DMD: variants seen among roughly 807,000 people sequenced by gnomAD.
The protein encoded by DMD is mutant dystrophin.
DMD carries 63 observed loss-of-function variants against 330.1 expected under a neutral mutation model. The ratio of observed to expected loss-of-function variants is 0.19; its 90% CI spans 0.16 to 0.24. DMD has a LOEUF of 0.24. Ranked by LOEUF, DMD falls within the 10% of genes least tolerant of loss-of-function variation. The pLI is 1.00. For synonymous variants in DMD, 1,223 were observed against 959.8 expected (o/e 1.27, Z -5.07); for missense variants, 3,344 against 2,684.1 (o/e 1.25, Z -5.43).
chrX:33,232,094 G>A lies in DMD; in HGVS notation c.7+107165C>T, dbSNP rs751290020. On this transcript the variant is annotated intron_variant, in intron 1 of 17. Coordinates refer to the DMD transcript ENST00000288447. ...TCCACCAACCTAAAATGCTGTATTG[G>A]TGAAATTATCCTTCAAAAGTAAAAG... Among the ~76,000 whole-genome samples, 17 of 111,991 alleles carry A rather than the reference G, an allele frequency of 1.5e-4. No homozygotes were observed. The South Asian group carries it at 6.3e-3, about 41-fold the overall frequency.
intron 55 of DMD, among the ~76,000 whole-genome samples, chrX:31,618,974 T>C (rs920523605): frequency 9.0e-6 from 1 of 111,507 alleles, no homozygotes; most frequent in African/African-American, 3.3e-5. Flanking sequence ...GTTACCTTAG[T>C]AGAAGTTACC....
chrX:33,291,362 C>T (rs950658158), intron 1 of DMD, among the ~76,000 whole-genome samples: 1 of 110,913 alleles, frequency 9.0e-6, no homozygotes, highest in African/African-American at 3.3e-5. Context: ...AGGATGCCCT[C>T]GCTCACCACT....
intron 55 of DMD, among the ~76,000 whole-genome samples, chrX:31,525,284 C>T (rs1173356925): frequency 9.0e-6 from 1 of 111,693 alleles, no homozygotes; most frequent in Non-Finnish European, 1.9e-5. Flanking sequence ...GCCATATGTT[C>T]GATCACCTTT....
chrX:31,448,278 A>G (rs979565632), intron 59 of DMD, among the ~76,000 whole-genome samples: 1 of 111,181 alleles, frequency 9.0e-6, no homozygotes, highest in African/African-American at 3.3e-5. Context: ...GGAAAGATAA[A>G]AAGGAAAAGG....
intron 53 of DMD, among the ~76,000 whole-genome samples, chrX:31,662,783 C>T (rs184481846): frequency 8.9e-6 from 1 of 111,847 alleles, no homozygotes; most frequent in Admixed American, 9.5e-5. Context: ...CTGACCATGC[C>T]TCCGGCTTGT....
chrX:31,263,474 T>A (rs1035409884), intron 62 of DMD, among the ~76,000 whole-genome samples: 1 of 112,147 alleles, frequency 8.9e-6, no homozygotes, highest in Non-Finnish European at 1.9e-5. Flanking sequence ...TTATTTTTTT[T>A]TAATCCATCA....
intron 67 of DMD, among the ~76,000 whole-genome samples, chrX:31,202,371 A>G (rs2043576483): frequency 8.9e-6 from 1 of 112,191 alleles, no homozygotes; most frequent in South Asian, 3.7e-4. Context: ...TTGATCATCT[A>G]TCTGCATTTT....
chrX:33,300,777 A>G (rs763401680), intron 1 of DMD, among the ~76,000 whole-genome samples: 98 of 111,388 alleles, frequency 8.8e-4, no homozygotes, highest in Non-Finnish European at 1.7e-3. Flanking sequence ...TTTTTGTTAC[A>G]CCAGTCTAAA....
At chrX:33,148,615 A>G (rs897295158) in intron 1 of DMD, among the ~76,000 whole-genome samples, 1 of 112,164 alleles carries the variant, frequency 8.9e-6, no homozygotes, top group Non-Finnish European at 1.9e-5. Flanking sequence ...TATATATTAA[A>G]TGTTCATGAT....
intron 60 of DMD, among the ~76,000 whole-genome samples, chrX:31,400,095 G>T (rs2061122295): frequency 9.0e-6 from 1 of 111,516 alleles, no homozygotes; most frequent in East Asian, 2.8e-4. Context: ...ATCAGTTCTG[G>T]ATAGCTTATA....
At chrX:33,239,860 A>T (rs1335508932) in intron 1 of DMD, among the ~76,000 whole-genome samples, 1 of 111,671 alleles carries the variant, frequency 9.0e-6, no homozygotes, top group Non-Finnish European at 1.9e-5. Context: ...GAGCACTGAA[A>T]TGATGTCATA....
chrX:32,130,476 T>C (rs1167690743), intron 44 of DMD, among the ~76,000 whole-genome samples: 1 of 111,427 alleles, frequency 9.0e-6, no homozygotes, highest in East Asian at 2.8e-4. Flanking sequence ...TAACTATAGA[T>C]CATATCACAT....
chrX:32,497,951 T>C (rs933723261), intron 19 of DMD, among the ~76,000 whole-genome samples: 15 of 111,901 alleles, frequency 1.3e-4, no homozygotes, highest in African/African-American at 4.9e-4. Context: ...TGGCTAAATT[T>C]TTCTAAATTT....
At chrX:31,622,246 C>A (rs1288433194) in intron 55 of DMD, among the ~76,000 whole-genome samples, 1 of 111,153 alleles carries the variant, frequency 9.0e-6, no homozygotes, top group Non-Finnish European at 1.9e-5. Flanking sequence ...TGTTAAAATA[C>A]AGAGGCTTTT....
chrX:32,220,268 A>C (rs2097127823), intron 43 of DMD, among the ~76,000 whole-genome samples: 1 of 112,098 alleles, frequency 8.9e-6, no homozygotes, highest in African/African-American at 3.2e-5. Context: ...AGGACCTAAT[A>C]AAAATGACTT....
At chrX:31,155,389 C>A (rs1234368372) in intron 74 of DMD, among the ~76,000 whole-genome samples, 1 of 112,426 alleles carries the variant, frequency 8.9e-6, no homozygotes, top group Non-Finnish European at 1.9e-5. Context: ...TTAACAGTAT[C>A]ATACATTTAA....
intron 17 of DMD, among the ~76,000 whole-genome samples, chrX:32,539,829 G>A (rs2048333719): frequency 9.0e-6 from 1 of 111,562 alleles, no homozygotes; most frequent in South Asian, 3.7e-4. Flanking sequence ...ATGTAGATCA[G>A]TCAATTTATC....
At chrX:31,844,296 C>T (rs997877592) in intron 48 of DMD, among the ~76,000 whole-genome samples, 2 of 51,724 alleles carry the variant, frequency 3.9e-5, no homozygotes, top group African/African-American at 2.1e-4. Context: ...GAGTCCTTTC[C>T]CCATTTTTTT....
intron 29 of DMD, among the ~76,000 whole-genome samples, chrX:32,427,071 A>G (rs2098216218): frequency 8.9e-6 from 1 of 111,890 alleles, no homozygotes; most frequent in Admixed American, 9.5e-5. Flanking sequence ...GTTTACCTGT[A>G]TAACAAACCT....
Sources: allele counts gnomAD v4.1 joint callset (sites outside exome capture counted in the v4.1 genomes callset), GRCh38; gene constraint gnomAD v4.1.1; transcripts MANE v1.5; gene names NCBI Gene and HGNC (gene_info 2026-07-23, HGNC 2026-07-21).